CKMT1B: variants seen among roughly 807,000 people sequenced by gnomAD.
CKMT1B encodes creatine kinase, mitochondrial 1B.
In CKMT1B, 13 loss-of-function variants were observed where a neutral mutation model predicts 21.8. That is an observed-to-expected ratio of 0.60 (90% confidence interval 0.39 to 0.95). The LOEUF (loss-of-function observed/expected upper bound fraction) is 0.95. Among genes scored for constraint, CKMT1B ranks in the 40% least tolerant of loss-of-function variants. CKMT1B has a pLI of 0.00. For missense variants in CKMT1B, 157 were observed against 227.5 expected, an observed-to-expected ratio of 0.69 and a Z score of 1.99; for synonymous variants, 50 against 80.3, an observed-to-expected ratio of 0.62 and a Z score of 2.02.
intron 7 of CKMT1B, 116 bp from the exon 8 acceptor site, chr15:43,598,711 G>T: frequency 7.1e-7 from 1 of 1,410,222 alleles, no homozygotes; most frequent in Non-Finnish European, 9.4e-7. Flanking sequence ...AAAGAAAAAA[G>T]AAAAAAGGAA....
At position 43,599,406 on chromosome 15, in the gene CKMT1B, A is replaced by C; in HGVS notation, c.*133A>C. ...TAGTAAAGACTCCTTGCTATGCTGC[A>C]GCTGTCTGTGTTACTTCTAATGGTG... On this transcript the variant is annotated 3_prime_UTR_variant, in exon 9 of 9. Coordinates refer to ENST00000441322, the MANE Select transcript of CKMT1B (RefSeq NM_001375484.1). The C allele has an allele frequency of 7.3e-7, 1 of 1,375,952 alleles. No homozygotes were observed. Among genetic ancestry groups the C allele is most frequent in the Non-Finnish European group, 1.0e-6 (1 of 996,636 alleles). 85.2% of individuals were successfully genotyped at this position (1,375,952 alleles called of 1,614,324 possible).
chr15:43,596,629 A>C, intron 6 of CKMT1B, 98 bp downstream of exon 6: 3 of 1,577,950 alleles, frequency 1.9e-6, no homozygotes, highest in Non-Finnish European at 2.6e-6. Context: ...AACCCAGGAC[A>C]TGTCTTATAG....
At chr15:43,597,126 G>A (rs1323996542) in intron 6 of CKMT1B, among the ~76,000 whole-genome samples, 3 of 143,060 alleles carry the variant, frequency 2.1e-5, no homozygotes, top group Admixed American at 6.7e-5. Context: ...TTGGGTCTCC[G>A]TATTCAAGTC....
At chr15:43,598,992 C>A in intron 8 of CKMT1B, 40 bp downstream of exon 8, 1 of 1,607,846 alleles carries the variant, frequency 6.2e-7, no homozygotes, top group Admixed American at 1.7e-5. Context: ...AGGTATAGGT[C>A]TGCGAGGGCC....
intron 6 of CKMT1B, chr15:43,597,716 C>G (rs2085595272): frequency 3.9e-6 from 4 of 1,028,354 alleles, no homozygotes; most frequent in African/African-American, 1.8e-5. Context: ...TCATCTTTCT[C>G]TGCATTCACA....
At position 43,598,839 on chromosome 15, in the gene CKMT1B, C is replaced by T. The variant is rs912613433; in HGVS notation, c.1024C>T (p.Pro342Ser). Residue 342 changes from proline to serine, a missense_variant, in exon 8 of 9, where the codon CCA becomes TCA. Transcript: ENST00000441322. ...ATCTCCTCTCTAGGATAGCCGCTTC[C>T]CAAAGATCCTGGAGAACCTAAGACT... is the stretch of plus-strand genomic sequence containing the variant. ...LPLLSKDSRF[P>S]KILENLRLQK... is the part of the protein sequence containing the mutation. 8 of 1,607,754 alleles carry T rather than the reference C, an allele frequency of 5.0e-6. No homozygotes were observed. In the African/African-American group the frequency reaches 1.1e-4, roughly 22 times the overall value.
intron 6 of CKMT1B, chr15:43,597,915 C>T: frequency 3.0e-6 from 4 of 1,338,892 alleles, no homozygotes; most frequent in Non-Finnish European, 3.8e-6. Context: ...CTGTTCATTT[C>T]CCTAGATCAT....
intron 6 of CKMT1B, chr15:43,597,410 T>C: frequency 8.6e-7 from 1 of 1,163,810 alleles, no homozygotes; most frequent in Non-Finnish European, 1.1e-6. Flanking sequence ...ACAGGTAAAG[T>C]ACTTGGTCCA....
chr15:43,596,686 AG>A (rs1461847345), intron 6 of CKMT1B, 155 bp downstream of exon 6: 3 of 1,176,052 alleles, frequency 2.6e-6, no homozygotes, highest in Admixed American at 2.6e-5. Context: ...GGTGTAAACC[AG>A]CTGGGACCAT....
At position 43,599,106 on chromosome 15, in the gene CKMT1B, T is replaced by G. The variant is rs373836151; in HGVS notation, c.1138-51T>G. ...AATGAGCAGGCAAGTCAGTCAGTGA[T>G]AAAGAAAAACTCAGACTGTAGGAAG... On this transcript the variant is annotated intron_variant, in intron 8 of 8. Transcript: ENST00000441322. The G allele has an allele frequency of 2.2e-5, 35 of 1,608,356 alleles. No individual in the cohort carries two copies. The African/African-American group carries it at 3.9e-4, about 18-fold the overall frequency.
chr15:43,592,892 C>A (rs2085556383), upstream of CKMT1B, among the ~76,000 whole-genome samples: 1 of 148,242 alleles, frequency 6.7e-6, no homozygotes, highest in Admixed American at 6.7e-5. Flanking sequence ...GAGGGGACCA[C>A]GAGGAAGGCA....
chr15:43,598,222 G>A lies in CKMT1B; in HGVS notation c.906G>A (p.Trp302Ter). Residue 302 changes from tryptophan (W) to a stop codon, truncating the protein, a stop_gained, in exon 7 of 9, where the codon TGG becomes TGA. Transcript: ENST00000441322. LOFTEE classifies it high-confidence loss of function. ...EVERLIQERG[W>*]EFMWNERLGY... The stretch of plus-strand genomic sequence containing the variant: ...AGAGACTTATCCAAGAACGTGGCTG[G>A]GAGTTCATGTGGAATGAGCGTTTGG... The A allele has an allele frequency of 6.2e-7, 1 of 1,608,218 alleles. No individual in the cohort carries two copies. Among genetic ancestry groups the A allele is most frequent in the Non-Finnish European group, 8.5e-7 (1 of 1,179,626 alleles).
At chr15:43,598,387 G>A (rs1415294198) in intron 7 of CKMT1B, 60 bp downstream of exon 7, 6 of 1,597,374 alleles carry the variant, frequency 3.8e-6, no homozygotes, top group East Asian at 2.3e-5. Flanking sequence ...TGTGGATGGG[G>A]AGGGAGTGGA....
chr15:43,598,555 CA>C (rs2085619078), intron 7 of CKMT1B, among the ~76,000 whole-genome samples: 1 of 148,552 alleles, frequency 6.7e-6, no homozygotes, highest in Non-Finnish European at 1.5e-5. Context: ...GGTGAAACCC[CA>C]TCTCTACTAC....
intron 6 of CKMT1B, chr15:43,597,463 A>C (rs2085587713): frequency 5.6e-6 from 7 of 1,238,954 alleles, no homozygotes; most frequent in Non-Finnish European, 7.3e-6. Context: ...CTGCAATATT[A>C]TTCTGGATGG....
Position 43,598,155 on chromosome 15 carries a change from T to C in CKMT1B, c.877-38T>C, listed in dbSNP as rs752386639. On this transcript the variant is annotated intron_variant, in intron 6 of 8. Transcript: ENST00000441322. Reference sequence around the variant, plus strand: ...GGGAGGGTCCAGGGTTAATGAAATATCCCTGATTTTTCGTTAACAAAACCT... The same window carrying C: ...GGGAGGGTCCAGGGTTAATGAAATACCCCTGATTTTTCGTTAACAAAACCT... 5.0e-6 allele frequency: 8 copies of C among 1,608,366 alleles called. 2 individuals are homozygous for C. The African/African-American group carries it at 1.1e-4, about 22-fold the overall frequency.
intron 7 of CKMT1B, 147 bp from the exon 8 acceptor site, chr15:43,598,680 C>T (rs1374688129): frequency 1.7e-6 from 2 of 1,148,884 alleles, no homozygotes; most frequent in South Asian, 1.9e-5. Flanking sequence ...CAGAGAGAGA[C>T]CCTGTCTAAA....
intron 6 of CKMT1B, 141 bp downstream of exon 6, chr15:43,596,672 T>C: frequency 7.5e-6 from 10 of 1,333,200 alleles, no homozygotes; most frequent in Admixed American, 2.3e-5. Flanking sequence ...ACTCCAGGAC[T>C]AAAGGTGTAA....
At position 43,596,425 on chromosome 15, in the gene CKMT1B, G is replaced by T; in HGVS notation, c.770G>T (p.Ser257Ile). The T allele has an allele frequency of 6.3e-7, 1 of 1,584,798 alleles. No individual in the cohort carries two copies. The highest frequency in any genetic ancestry group is 8.6e-7 in the Non-Finnish European group (1 of 1,167,694). Residue 257 changes from serine to isoleucine, a missense_variant, in exon 6 of 9, where the codon AGC (serine) becomes ATC (isoleucine). Ser to Ile is a moderately radical substitution (Grantham distance 142). Transcript: ENST00000441322. ...GCCCTCAGGCACAACAATGAGAAGA[G>T]CTTCCTGATCTGGGTGAATGAGGAG... is the stretch of plus-strand genomic sequence containing the variant. ...ARGIWHNNEK[S>I]FLIWVNEEDH...
Sources: allele counts gnomAD v4.1 joint callset (sites outside exome capture counted in the v4.1 genomes callset), GRCh38; gene constraint gnomAD v4.1.1; transcripts MANE v1.5; gene names NCBI Gene and HGNC (gene_info 2026-07-23, HGNC 2026-07-21).